PHIP: variants seen among roughly 807,000 people sequenced by gnomAD.
PHIP encodes PHIP subunit of CUL4-Ring ligase complex, also known as PH-interacting protein.
A neutral mutation model predicts 236.8 loss-of-function variants in PHIP; 54 were observed. That is an observed-to-expected ratio of 0.23 (90% CI 0.18 to 0.29). PHIP has a LOEUF of 0.29. PHIP is among the 10% of genes least tolerant of loss of function. The pLI, the probability that PHIP is intolerant of heterozygous loss-of-function variation, is 1.00. For synonymous variants in PHIP, 756 were observed against 718.9 expected (o/e 1.05, Z -0.83); for missense variants, 1,370 against 2,190.8 (o/e 0.63, Z 7.48).
intron 27 of PHIP, among the ~76,000 whole-genome samples, chr6:78,968,048 T>A (rs975483275): frequency 6.6e-6 from 1 of 151,984 alleles, no homozygotes; most frequent in Non-Finnish European, 1.5e-5. Context: ...TGAGGTAGAA[T>A]GGTGTGAACC....
At chr6:79,046,625 C>A (rs1772499139) in intron 6 of PHIP, among the ~76,000 whole-genome samples, 2 of 151,864 alleles carry the variant, frequency 1.3e-5, no homozygotes, top group Non-Finnish European at 1.5e-5. Context: ...ACCTGTAATC[C>A]CAGCACTTTG....
At chr6:79,061,722 A>T (rs1322949100) in intron 4 of PHIP, among the ~76,000 whole-genome samples, 2 of 152,172 alleles carry the variant, frequency 1.3e-5, no homozygotes, top group Non-Finnish European at 2.9e-5. Flanking sequence ...CAAATAAAGG[A>T]ACTTCAATAC....
In PHIP at chr6:78,945,451, G is replaced by A; in HGVS notation, c.4677C>T (p.Ser1559=). The part of the protein sequence containing the change: ...VKHSKALNTL[S]SPGQSSFSHG... ...GACTAAAACTGGATTGACCAGGACTGGAAAGAGTATTCAAAGCTTTGGAAT... is the reference window on the plus strand; with the variant it reads ...GACTAAAACTGGATTGACCAGGACTAGAAAGAGTATTCAAAGCTTTGGAAT... The change falls in exon 39 of 40, where the codon TCC becomes TCT. Residue 1559 remains serine, a synonymous_variant. Transcript: ENST00000275034. The A allele has an allele frequency of 1.2e-6, 2 of 1,610,754 alleles. No homozygotes were observed. The highest frequency in any genetic ancestry group is 1.7e-6 in the Non-Finnish European group (2 of 1,177,056).
chr6:78,985,467 A>G (rs747721955), intron 21 of PHIP, 39 bp from the exon 22 acceptor site: 26 of 950,764 alleles, frequency 2.7e-5, no homozygotes, highest in Non-Finnish European at 4.3e-5. Context: ...GCATAATTTT[A>G]TAAAATAACA....
intron 4 of PHIP, among the ~76,000 whole-genome samples, chr6:79,061,623 G>A (rs2127773131): frequency 6.6e-6 from 1 of 152,182 alleles, no homozygotes; most frequent in South Asian, 2.1e-4. Context: ...ATTAAAATAA[G>A]ATTAGTTTAT....
intron 8 of PHIP, 22 bp downstream of exon 8, chr6:79,025,921 G>T: frequency 6.9e-7 from 1 of 1,450,328 alleles, no homozygotes; most frequent in Non-Finnish European, 9.6e-7. Context: ...CAACAACAAT[G>T]TATAGGGATT....
chr6:79,026,927 CTT>C (rs1202775367), intron 7 of PHIP, among the ~76,000 whole-genome samples: 2 of 151,822 alleles, frequency 1.3e-5, no homozygotes, highest in African/African-American at 4.8e-5. Context: ...AGATTCAAAA[CTT>C]AATATTTTTG....
At chr6:79,023,739 T>G (rs955574577) in intron 9 of PHIP, among the ~76,000 whole-genome samples, 14 of 152,308 alleles carry the variant, frequency 9.2e-5, no homozygotes, top group African/African-American at 3.1e-4. Flanking sequence ...ATCATTTATA[T>G]GGACAAGCTT....
In PHIP at chr6:78,947,673, T is replaced by C; in HGVS notation, c.4156A>G (p.Arg1386Gly). 6.5e-7 allele frequency: 1 copy of C among 1,532,366 alleles called. No homozygotes were observed. The highest frequency in any genetic ancestry group is 1.1e-5 in the South Asian group (1 of 88,790). The allele number at this position is 1,532,366 out of a possible 1,614,324, so 94.9% of individuals were successfully genotyped here. Residue 1386 changes from arginine to glycine, a missense_variant, in exon 36 of 40, where the codon AGA becomes GGA. Arg to Gly is a moderately radical substitution (Grantham distance 125). Around this residue, in one of 14 missense-constraint regions of PHIP, gnomAD observed 125 missense variants for 235.1 expected, o/e 0.53. Coordinates refer to ENST00000275034, the MANE Select transcript of PHIP (RefSeq NM_017934.7). ...ESPMELCKDV[R>G]LIFSNSKAYT... The stretch of plus-strand genomic sequence containing the variant: ...GCTTTGGAATTACTGAAAATAAGTC[T>C]GACATCTTTACATAACTCCATTGGT...
intron 19 of PHIP, among the ~76,000 whole-genome samples, chr6:78,996,626 T>C (rs1769634755): frequency 6.6e-6 from 1 of 152,208 alleles, no homozygotes; most frequent in South Asian, 2.1e-4. Context: ...TGTATACCTT[T>C]GGTGTGTATT....
At chr6:78,983,597 T>C (rs1347034161) in intron 22 of PHIP, among the ~76,000 whole-genome samples, 1 of 152,142 alleles carries the variant, frequency 6.6e-6, no homozygotes. Flanking sequence ...GGTCCAGTAC[T>C]AGTGCTCTCA....
chr6:79,030,016 A>C (rs1582251251), intron 7 of PHIP, among the ~76,000 whole-genome samples: 1 of 152,344 alleles, frequency 6.6e-6, no homozygotes, highest in South Asian at 2.1e-4. Context: ...ATAAAATGTT[A>C]AAACCAAGTT....
Position 79,057,842 on chromosome 6 carries a change from T to C in PHIP, c.439+2636A>G, listed in dbSNP as rs182020778. On this transcript the variant is annotated intron_variant, in intron 6 of 39. Transcript: ENST00000275034. ...TGTACCACTATGCAGGCAACTATTC[T>C]GGCAAGAAGACTGATGAATTATTTC... 6.6e-4 allele frequency among the ~76,000 whole-genome samples: 100 copies of C among 152,208 alleles called. 2 individuals are homozygous for C. In the South Asian group the frequency reaches 0.013, roughly 20 times the overall value.
At chr6:79,077,792 C>A in intron 2 of PHIP, 63 bp from the exon 3 acceptor site, 1 of 998,128 alleles carries the variant, frequency 1.0e-6, no homozygotes, top group Non-Finnish European at 1.2e-6. Flanking sequence ...GCCGCCGCCG[C>A]CTCCCTCCCC....
chr6:79,070,954 T>A (rs958928258), intron 4 of PHIP, among the ~76,000 whole-genome samples: 2 of 152,178 alleles, frequency 1.3e-5, no homozygotes, highest in African/African-American at 4.8e-5. Flanking sequence ...TCTTCCTGTG[T>A]CTCTTCTGCA....
Position 79,003,716 on chromosome 6 carries a change from T to C in PHIP, c.1653+14A>G. 6.3e-7 allele frequency: 1 copy of C among 1,584,044 alleles called. No homozygotes were observed. Among genetic ancestry groups the C allele is most frequent in the Non-Finnish European group, 8.6e-7 (1 of 1,167,156 alleles). On this transcript the variant is annotated intron_variant, in intron 16 of 39. Coordinates refer to ENST00000275034, the MANE Select transcript of PHIP (RefSeq NM_017934.7). ...AAAAAAATAAGGACATGATATATAG[T>C]CATCATACTCTACCTTGTCATATTT...
chr6:79,019,484 C>T (rs1207473883), intron 9 of PHIP, among the ~76,000 whole-genome samples: 1 of 152,058 alleles, frequency 6.6e-6, no homozygotes, highest in Non-Finnish European at 1.5e-5. Context: ...TATAGAATAG[C>T]AACGTACAAA....
chr6:78,952,440 AGAAAAAAAAAAAG>A (rs1293359841), intron 35 of PHIP, among the ~76,000 whole-genome samples: 38 of 143,854 alleles, frequency 2.6e-4, no homozygotes, highest in African/African-American at 8.4e-4. Flanking sequence ...AAAAAAAAAA[AGAAAAAAAAAAAG>A]GAAAAAAAAA....
intron 39 of PHIP, among the ~76,000 whole-genome samples, chr6:78,943,988 TTTAAAAAAAAAAAA>T (rs1023392853): frequency 4.1e-5 from 1 of 24,414 alleles, no homozygotes; most frequent in East Asian, 3.5e-3. Flanking sequence ...CCTGTCTTTT[TTTAAAAAAAAAAAA>T]AAAAAAAAAA....
Sources: allele counts gnomAD v4.1 joint callset (sites outside exome capture counted in the v4.1 genomes callset), GRCh38; gene constraint gnomAD v4.1.1; regional missense constraint gnomAD v4.1.1; transcripts MANE v1.5; gene names NCBI Gene and HGNC (gene_info 2026-07-23, HGNC 2026-07-21).